NDST4: variants seen among roughly 807,000 people sequenced by gnomAD.
The protein encoded by NDST4 is N-deacetylase and N-sulfotransferase 4.
Under a neutral mutation model 100.8 loss-of-function variants are expected in NDST4, and 63 were observed. The ratio of observed to expected loss-of-function variants is 0.62; its 90% CI spans 0.51 to 0.77. NDST4 has a LOEUF of 0.77. Among genes scored for constraint, NDST4 ranks in the 30% least tolerant of loss-of-function variants. The pLI is 0.00. For synonymous variants in NDST4, 377 were observed against 361.8 expected (o/e 1.04, Z -0.48); for missense variants, 943 against 1,018.4 (o/e 0.93, Z 1.01).
At chr4:114,983,760 A>C (rs975955581) in intron 2 of NDST4, among the ~76,000 whole-genome samples, 4 of 152,188 alleles carry the variant, frequency 2.6e-5, no homozygotes, top group Non-Finnish European at 4.4e-5. Context: ...CAGGGGCAGA[A>C]TGATATGGTT....
chr4:114,830,826 GCCCTGGGC>G (rs1723180701), intron 12 of NDST4, among the ~76,000 whole-genome samples: 1 of 152,128 alleles, frequency 6.6e-6, no homozygotes, highest in East Asian at 1.9e-4. Flanking sequence ...ATATTTTGTT[GCCCTGGGC>G]CCATTCCTAT....
intron 1 of NDST4, among the ~76,000 whole-genome samples, chr4:115,112,199 T>TG (rs1206971938): frequency 2.1e-5 from 3 of 143,240 alleles, no homozygotes; most frequent in South Asian, 2.1e-4. Flanking sequence ...TCTTTTGATA[T>TG]GAAAAAAAAA....
chr4:115,070,757 T>C (rs1223160497), intron 2 of NDST4, among the ~76,000 whole-genome samples: 1 of 152,118 alleles, frequency 6.6e-6, no homozygotes, highest in Non-Finnish European at 1.5e-5. Context: ...GTAGATAGCT[T>C]AGGCCAATTA....
intron 2 of NDST4, among the ~76,000 whole-genome samples, chr4:114,989,105 A>T (rs948141172): frequency 6.6e-6 from 1 of 152,176 alleles, no homozygotes; most frequent in Non-Finnish European, 1.5e-5. Context: ...TTTATAACAA[A>T]GTAGGTGACA....
intron 1 of NDST4, among the ~76,000 whole-genome samples, chr4:115,097,906 G>T (rs1437088523): frequency 6.6e-6 from 1 of 151,964 alleles, no homozygotes; most frequent in African/African-American, 2.4e-5. Flanking sequence ...GTTTCTTCTT[G>T]CCTAGAATAC....
chr4:115,034,718 C>T (rs1353840871), intron 2 of NDST4, among the ~76,000 whole-genome samples: 1 of 152,024 alleles, frequency 6.6e-6, no homozygotes, highest in African/African-American at 2.4e-5. Context: ...AGCATGGCCC[C>T]CGCCTTGATC....
intron 4 of NDST4, among the ~76,000 whole-genome samples, chr4:114,965,503 T>C (rs1015350525): frequency 6.6e-6 from 1 of 152,088 alleles, no homozygotes; most frequent in Non-Finnish European, 1.5e-5. Flanking sequence ...TATGTGTAGC[T>C]TTTTAAAATC....
intron 7 of NDST4, among the ~76,000 whole-genome samples, chr4:114,859,824 T>A (rs1453815917): frequency 6.6e-6 from 1 of 152,214 alleles, no homozygotes; most frequent in Non-Finnish European, 1.5e-5. Flanking sequence ...TCAGCTCTTT[T>A]CCCGTCTTTT....
chr4:114,939,142 A>G (rs1286755241), intron 4 of NDST4, among the ~76,000 whole-genome samples: 1 of 152,150 alleles, frequency 6.6e-6, no homozygotes, highest in African/African-American at 2.4e-5. Flanking sequence ...ATGCTCGCCA[A>G]TGAGTGGTCA....
chr4:115,090,818 A>T lies in NDST4; in HGVS notation c.-246-13536T>A, dbSNP rs750472110. 1.8e-4 allele frequency among the ~76,000 whole-genome samples: 27 copies of T among 152,110 alleles called. 1 individual carries two copies. Among genetic ancestry groups the T allele is most frequent in the Admixed American group, 7.2e-4 (11 of 15,256 alleles). ...AGGTAACTGGGCTCTCAGGATGAGC[A>T]TCGTGCTGTTGACATCAGCGAAAGA... On this transcript the variant is annotated intron_variant, in intron 1 of 13. Coordinates refer to ENST00000264363, the MANE Select transcript of NDST4 (RefSeq NM_022569.3).
intron 2 of NDST4, among the ~76,000 whole-genome samples, chr4:115,033,962 G>T (rs917061401): frequency 2.0e-5 from 3 of 152,062 alleles, no homozygotes; most frequent in Non-Finnish European, 4.4e-5. Context: ...CACTATCAAT[G>T]TTTATCGTAT....
intron 2 of NDST4, among the ~76,000 whole-genome samples, chr4:115,068,205 T>C (rs1728993455): frequency 6.6e-6 from 1 of 152,088 alleles, no homozygotes; most frequent in Admixed American, 6.5e-5. Flanking sequence ...TATTACTTTT[T>C]CACTTTATAG....
intron 4 of NDST4, among the ~76,000 whole-genome samples, chr4:114,948,631 A>G (rs12648274): frequency 6.6e-6 from 1 of 151,950 alleles, no homozygotes; most frequent in Non-Finnish European, 1.5e-5. Context: ...TCATCAATAC[A>G]GTTCTCATCC....
intron 12 of NDST4, among the ~76,000 whole-genome samples, chr4:114,830,322 A>G (rs763450929): frequency 3.9e-5 from 6 of 152,212 alleles, no homozygotes; most frequent in Non-Finnish European, 7.4e-5. Context: ...AAAGGGGTTG[A>G]ATGTAATGTA....
rs1001466518 is a variant in NDST4 at position 114,913,346 on chromosome 4, C to T, written c.1536+21860G>A. 7.2e-5 allele frequency among the ~76,000 whole-genome samples: 11 copies of T among 151,918 alleles called. No individual in the cohort carries two copies. The South Asian group carries it at 2.1e-3, about 29-fold the overall frequency. On this transcript the variant is annotated intron_variant, in intron 6 of 13. Transcript: ENST00000264363. Reference sequence around the variant, plus strand: ...CTTGGGACATGAAAAAAATAACTTTCTAAAATTTTCAACAATAGTTATTTT... The same window carrying T: ...CTTGGGACATGAAAAAAATAACTTTTTAAAATTTTCAACAATAGTTATTTT...
intron 4 of NDST4, among the ~76,000 whole-genome samples, chr4:114,939,550 T>G (rs189665280): frequency 3.9e-5 from 6 of 152,156 alleles, no homozygotes; most frequent in Non-Finnish European, 8.8e-5. Context: ...ATGAAGTATG[T>G]GAGTGTCCTA....
At chr4:114,949,972 T>C (rs544376910) in intron 4 of NDST4, among the ~76,000 whole-genome samples, 2 of 152,154 alleles carry the variant, frequency 1.3e-5, no homozygotes, top group Non-Finnish European at 2.9e-5. Context: ...ATGTACAAAG[T>C]ACATGTAAGA....
At chr4:115,088,572 C>A (rs1729452364) in intron 1 of NDST4, among the ~76,000 whole-genome samples, 1 of 151,872 alleles carries the variant, frequency 6.6e-6, no homozygotes, top group South Asian at 2.1e-4. Context: ...GTTGGAGACT[C>A]CAGGTATCAT....
Position 114,977,112 on chromosome 4 carries a change from C to G in NDST4, c.1066+75G>C, listed in dbSNP as rs556605382. The G allele has an allele frequency of 2.3e-4, 209 of 925,286 alleles. No homozygotes were observed. The African/African-American group carries it at 3.1e-3, about 14-fold the overall frequency. The allele number at this position is 925,286 out of a possible 1,614,324, so 57.3% of individuals were successfully genotyped here. On this transcript the variant is annotated intron_variant, in intron 3 of 13. Coordinates refer to ENST00000264363, the MANE Select transcript of NDST4 (RefSeq NM_022569.3). Reference sequence around the variant, plus strand: ...CATAATCAATCTGGAGAATCTATCTCTACCACTTATGAATCATTCAAAATT... The same window carrying G: ...CATAATCAATCTGGAGAATCTATCTGTACCACTTATGAATCATTCAAAATT...
Sources: gnomAD v4.1 joint callset for allele counts (sites outside exome capture counted in the v4.1 genomes callset) on GRCh38, gnomAD v4.1.1 for gene constraint, MANE v1.5 for transcripts, NCBI Gene and HGNC (gene_info 2026-07-23, HGNC 2026-07-21) for gene names.